The following FAM98A variants were observed in gnomAD, a reference collection of about 807,000 sequenced individuals.
FAM98A encodes the protein protein FAM98A.
A neutral mutation model predicts 62.9 loss-of-function variants in FAM98A; 25 were observed. That is an observed-to-expected ratio of 0.40 (90% CI 0.29 to 0.56). The LOEUF (loss-of-function observed/expected upper bound fraction) is 0.56. Among genes scored for constraint, FAM98A ranks in the 20% least tolerant of loss-of-function variants. The pLI, the probability that FAM98A is intolerant of heterozygous loss-of-function variation, is 0.51. For synonymous variants in FAM98A, 252 were observed against 228.6 expected (o/e 1.10, Z -0.92); for missense variants, 653 against 640.7 (o/e 1.02, Z -0.21).
chr2:33,597,229 T>C (rs1253124338), intron 1 of FAM98A, among the ~76,000 whole-genome samples: 2 of 152,080 alleles, frequency 1.3e-5, no homozygotes, highest in Non-Finnish European at 2.9e-5. Flanking sequence ...ATCAGTGGCA[T>C]ACACCTGTAG....
intron 4 of FAM98A, 105 bp from the exon 5 acceptor site, chr2:33,587,425 G>T: frequency 1.2e-6 from 1 of 860,762 alleles, no homozygotes; most frequent in Non-Finnish European, 1.9e-6. Context: ...TCCTGACAGA[G>T]GCAAAGGTGG....
At chr2:33,591,095 A>C (rs1288215045) in intron 3 of FAM98A, among the ~76,000 whole-genome samples, 1 of 152,178 alleles carries the variant, frequency 6.6e-6, no homozygotes, top group Non-Finnish European at 1.5e-5. Context: ...ACCTAACCTT[A>C]CGTGCACATT....
At chr2:33,596,448 C>G (rs1677813452) in intron 1 of FAM98A, among the ~76,000 whole-genome samples, 1 of 152,104 alleles carries the variant, frequency 6.6e-6, no homozygotes, top group African/African-American at 2.4e-5. Flanking sequence ...AGATGACAGT[C>G]ATAATGAACT....
intron 1 of FAM98A, among the ~76,000 whole-genome samples, chr2:33,598,129 C>G (rs553525835): frequency 7.2e-5 from 11 of 152,192 alleles, no homozygotes; most frequent in Non-Finnish European, 1.6e-4. Flanking sequence ...CTAAAAATTT[C>G]TACTAGGGTA....
At position 33,585,090 on chromosome 2, in the gene FAM98A, T is replaced by C. The variant is rs749783656; in HGVS notation, c.1243A>G (p.Ser415Gly). ...TAACCTCCGCCTTGATAGCCACCAC[T>C]GCTGTGGCCACCATGATAGCCACCT... ...QPGGYHGGHS[S>G]GGYQGGGYGG... The change falls in exon 8 of 8, where the codon AGT (serine) becomes GGT (glycine). Residue 415 changes from serine (S) to glycine (G), a missense_variant. Ser to Gly is a moderately conservative substitution (Grantham distance 56). Transcript: ENST00000238823. 5 of 1,614,190 alleles carry C rather than the reference T, an allele frequency of 3.1e-6. No individual in the cohort carries two copies. Among genetic ancestry groups the C allele is most frequent in the Non-Finnish European group, 4.2e-6 (5 of 1,180,024 alleles).
chr2:33,599,278 G>C lies in FAM98A; in HGVS notation c.-57C>G. Reference sequence around the variant, plus strand: ...AGGCTCCCCTCTTCGCCGGCAACGCGTACACTCGCGCATGCGCGACTTCCC... The same window carrying C: ...AGGCTCCCCTCTTCGCCGGCAACGCCTACACTCGCGCATGCGCGACTTCCC... On this transcript the variant is annotated 5_prime_UTR_variant, in exon 1 of 8. Coordinates refer to ENST00000238823, the MANE Select transcript of FAM98A (RefSeq NM_015475.5). 1 of 1,429,604 alleles carries C rather than the reference G, an allele frequency of 7.0e-7. No individual in the cohort carries two copies. The highest frequency in any genetic ancestry group is 9.9e-7 in the Non-Finnish European group (1 of 1,011,468). 88.6% of individuals were successfully genotyped at this position (1,429,604 alleles called of 1,614,324 possible).
intron 1 of FAM98A, among the ~76,000 whole-genome samples, chr2:33,597,851 T>C (rs1483231642): frequency 6.6e-6 from 1 of 152,158 alleles, no homozygotes; most frequent in Non-Finnish European, 1.5e-5. Flanking sequence ...CCACCTCACC[T>C]TGTACTCTAA....
At chr2:33,599,052 A>G in intron 1 of FAM98A, 117 bp downstream of exon 1, 1 of 848,554 alleles carries the variant, frequency 1.2e-6, no homozygotes, top group East Asian at 2.4e-5. Context: ...GGGAAGCGAC[A>G]GCCAGGAGCC....
At chr2:33,594,704 TATAC>T (rs1218550143) in intron 2 of FAM98A, among the ~76,000 whole-genome samples, 8 of 13,546 alleles carry the variant, frequency 5.9e-4, no homozygotes, top group Admixed American at 1.1e-3. Flanking sequence ...CACATATATA[TATAC>T]ACACACACAC....
chr2:33,585,843 T>C (rs1239653349), intron 6 of FAM98A, 146 bp from the exon 7 acceptor site: 3 of 690,356 alleles, frequency 4.3e-6, no homozygotes, highest in East Asian at 2.7e-5. Flanking sequence ...TACTCACTAC[T>C]GCTCCTACAT....
chr2:33,586,473 C>T, intron 6 of FAM98A, 89 bp downstream of exon 6: 1 of 825,832 alleles, frequency 1.2e-6, no homozygotes, highest in Non-Finnish European at 2.0e-6. Context: ...CTATGTACTT[C>T]TCCCATAGTT....
At position 33,599,241 on chromosome 2, in the gene FAM98A, T is replaced by A. The variant is rs556319724; in HGVS notation, c.-20A>T. 6.2e-7 allele frequency: 1 copy of A among 1,610,400 alleles called. No individual in the cohort carries two copies. The highest frequency in any genetic ancestry group is 2.2e-5 in the East Asian group (1 of 44,852). On this transcript the variant is annotated 5_prime_UTR_variant, in exon 1 of 8. Transcript: ENST00000238823. ...CTCCATGCTACTGTGGTATTCAAAT[T>A]TCCGAGTCGTCAGGCTCCCCTCTTC...
chr2:33,592,962 A>C lies in FAM98A; in HGVS notation c.203-748T>G, dbSNP rs544843246. ...ATTCCCTGTGACAGATATGTCCTCTACTCTCTTCCCCTCTAGCAAATCCCA... is the reference window on the plus strand; with the variant it reads ...ATTCCCTGTGACAGATATGTCCTCTCCTCTCTTCCCCTCTAGCAAATCCCA... On this transcript the variant is annotated intron_variant, in intron 2 of 7. Coordinates refer to ENST00000238823, the MANE Select transcript of FAM98A (RefSeq NM_015475.5). 8.8e-4 allele frequency among the ~76,000 whole-genome samples: 134 copies of C among 151,740 alleles called. 1 individual carries two copies. The highest frequency in any genetic ancestry group is 1.4e-3 in the Non-Finnish European group (92 of 67,910).
chr2:33,587,391 C>T, intron 4 of FAM98A, 71 bp from the exon 5 acceptor site: 4 of 1,122,018 alleles, frequency 3.6e-6, no homozygotes, highest in Non-Finnish European at 5.4e-6. Context: ...CAATTCCCAT[C>T]ATATCTTGCC....
Position 33,584,964 on chromosome 2 carries a change from G to A in FAM98A, c.1369C>T (p.Arg457Cys), listed in dbSNP as rs1282981920. 3.7e-6 allele frequency: 6 copies of A among 1,613,248 alleles called. No homozygotes were observed. Among genetic ancestry groups the A allele is most frequent in the Non-Finnish European group, 5.1e-6 (6 of 1,179,786 alleles). Residue 457 changes from arginine to cysteine, a missense_variant, in exon 8 of 8, where the codon CGT (arginine) becomes TGT (cysteine). Physicochemically the swap from Arg to Cys is radical, Grantham distance 180 (BLOSUM62 -3). Coordinates refer to ENST00000238823, the MANE Select transcript of FAM98A (RefSeq NM_015475.5). ...RYQDGGHHGD[R>C]GGGRGGRGGR... ...CCTCGCCCACCACGACCACCACCAC[G>A]ATCACCATGGTGCCCGCCATCTTGG...
Position 33,592,169 on chromosome 2 carries a change from A to C in FAM98A, c.248T>G (p.Leu83Arg). 1 of 1,613,116 alleles carries C rather than the reference A, an allele frequency of 6.2e-7. No homozygotes were observed. Among genetic ancestry groups the C allele is most frequent in the Non-Finnish European group, 8.5e-7 (1 of 1,179,212 alleles). ...EEFQLEVSGL[L>R]GEMNCPYLSL... ...AAGATACGGGCAGTTCATCTCCCCT[A>C]GTAGCCCACTCACCTCAAGCTGGAA... The change falls in exon 3 of 8, where the codon CTA becomes CGA. Residue 83 changes from leucine (L) to arginine (R), a missense_variant. Coordinates refer to ENST00000238823, the MANE Select transcript of FAM98A (RefSeq NM_015475.5).
intron 3 of FAM98A, among the ~76,000 whole-genome samples, chr2:33,590,412 A>C (rs2151144939): frequency 6.6e-6 from 1 of 152,318 alleles, no homozygotes; most frequent in East Asian, 1.9e-4. Context: ...GAAAAGTAAA[A>C]TTATAGCATC....
intron 1 of FAM98A, among the ~76,000 whole-genome samples, chr2:33,598,937 G>C (rs1452145220): frequency 6.6e-6 from 1 of 152,166 alleles, no homozygotes; most frequent in Non-Finnish European, 1.5e-5. Flanking sequence ...GCTGCGGGTA[G>C]CTCGCCTGCA....
Position 33,595,589 on chromosome 2 carries a change from A to G in FAM98A, c.102T>C (p.Ser34=). The change falls in exon 2 of 8, where the codon TCT becomes TCC. Residue 34 remains serine (S), a synonymous_variant. Coordinates refer to ENST00000238823, the MANE Select transcript of FAM98A (RefSeq NM_015475.5). ...LEDGALSQAV[S]AGASSPEFTK... is the part of the protein sequence containing the mutation. Reference sequence around the variant, plus strand: ...TAAACTCGGGGGAACTGGCTCCAGCAGAGACTGCCTGAGAGAGCGCTCCAT... The same window carrying G: ...TAAACTCGGGGGAACTGGCTCCAGCGGAGACTGCCTGAGAGAGCGCTCCAT... 6.2e-7 allele frequency: 1 copy of G among 1,606,514 alleles called. No homozygotes were observed.
Sources: gnomAD v4.1 joint callset for allele counts (sites outside exome capture counted in the v4.1 genomes callset) on GRCh38, gnomAD v4.1.1 for gene constraint, MANE v1.5 for transcripts, NCBI Gene and HGNC (gene_info 2026-07-23, HGNC 2026-07-21) for gene names.